The following SNTG2 variants were observed in gnomAD, a reference collection of about 807,000 sequenced individuals.
SNTG2 encodes the protein gamma-2-syntrophin.
Under a neutral mutation model 70.9 loss-of-function variants are expected in SNTG2, and 74 were observed. The ratio of observed to expected loss-of-function variants is 1.04; its 90% CI spans 0.86 to 1.27. The LOEUF is 1.27. SNTG2 is among the 50% of genes most tolerant of loss of function. The pLI is 0.00. For synonymous variants in SNTG2, 278 were observed against 273.8 expected, an observed-to-expected ratio of 1.02 and a Z score of -0.15; for missense variants, 717 against 690.7, an observed-to-expected ratio of 1.04 and a Z score of -0.43.
intron 6 of SNTG2, among the ~76,000 whole-genome samples, chr2:1,144,571 T>G (rs182503833): frequency 2.2e-3 from 328 of 152,296 alleles, no homozygotes; most frequent in African/African-American, 7.2e-3. Flanking sequence ...AAAAAGAGGC[T>G]TAATAGATTC....
intron 6 of SNTG2, 81 bp from the exon 7 acceptor site, chr2:1,165,467 G>T: frequency 7.9e-7 from 1 of 1,269,846 alleles, no homozygotes; most frequent in Non-Finnish European, 1.1e-6. Flanking sequence ...GGAAACAGGA[G>T]AGGTAGAGAG....
rs1264478586 is a variant in SNTG2, at chr2:1,363,980, T to TC, written c.1489-3363_1489-3362insC. On this transcript the variant is annotated intron_variant, in intron 16 of 16. Transcript: ENST00000308624. ...TAGCTAGTAATTTCTTTTATTTTCT[T>TC]TTTTTTTGAGACAGAGTTTCACTCT... is the stretch of plus-strand genomic sequence containing the variant. Among the ~76,000 whole-genome samples, 5 of 71,332 alleles carry TC rather than the reference T, an allele frequency of 7.0e-5. No individual in the cohort carries two copies. In the East Asian group the frequency reaches 7.9e-3, roughly 112 times the overall value. 46.8% of individuals were successfully genotyped at this position (71,332 alleles called of 152,430 possible). A position where few individuals can be genotyped will look rare whatever the true frequency, so the allele number is the denominator to read the frequency against.
At chr2:1,199,600 A>G (rs113225292) in intron 8 of SNTG2, among the ~76,000 whole-genome samples, 1 of 152,124 alleles carries the variant, frequency 6.6e-6, no homozygotes, top group East Asian at 1.9e-4. Flanking sequence ...TGCAGATGAC[A>G]TGATCTTATA....
chr2:1,131,069 C>T (rs111632745), intron 4 of SNTG2, among the ~76,000 whole-genome samples: 152 of 152,260 alleles, frequency 1.0e-3, no homozygotes, highest in African/African-American at 3.2e-3. Context: ...CAAGACACAG[C>T]CTTGGGCCAA....
intron 1 of SNTG2, among the ~76,000 whole-genome samples, chr2:959,678 C>T (rs1451579452): frequency 2.0e-5 from 3 of 148,828 alleles, no homozygotes; most frequent in Non-Finnish European, 3.0e-5. Context: ...AGAATTGCAT[C>T]GTGCAGGCCT....
chr2:1,361,869 A>G (rs148858524), intron 16 of SNTG2, among the ~76,000 whole-genome samples: 714 of 47,302 alleles, frequency 0.015, 2 homozygotes, highest in East Asian at 0.035. Flanking sequence ...ACTTCCATGA[A>G]AGTCACCAAC....
At chr2:1,140,983 T>C (rs916544637) in intron 6 of SNTG2, among the ~76,000 whole-genome samples, 2 of 152,228 alleles carry the variant, frequency 1.3e-5, no homozygotes, top group Non-Finnish European at 2.9e-5. Flanking sequence ...CTGTAGGTGA[T>C]TTTGAACTTA....
chr2:1,111,023 A>G (rs147822735), intron 4 of SNTG2, among the ~76,000 whole-genome samples: 1 of 152,334 alleles, frequency 6.6e-6, no homozygotes, highest in Non-Finnish European at 1.5e-5. Flanking sequence ...ACAAGCCAAA[A>G]TCTGCTTTTT....
chr2:1,105,842 G>A (rs921625550), intron 4 of SNTG2, among the ~76,000 whole-genome samples: 2 of 152,196 alleles, frequency 1.3e-5, no homozygotes, highest in Non-Finnish European at 2.9e-5. Context: ...CATGGCACAG[G>A]ATGGCACCCC....
At chr2:1,172,827 TC>T (rs964391538) in intron 7 of SNTG2, among the ~76,000 whole-genome samples, 10 of 152,128 alleles carry the variant, frequency 6.6e-5, no homozygotes, top group African/African-American at 2.4e-4. Flanking sequence ...GGGCACACCT[TC>T]CTGATGCTGT....
rs540472784 is a variant in SNTG2 at position 1,245,292 on chromosome 2, G to A, written c.889-2035G>A. On this transcript the variant is annotated intron_variant, in intron 11 of 16. Transcript: ENST00000308624. ...TAATAAAAAAAAAGGAAAAAAAAAA[G>A]AAATAAGTCCTCCTCAAGAGCTTTA... Among the ~76,000 whole-genome samples, 16 of 151,656 alleles carry A rather than the reference G, an allele frequency of 1.1e-4. No homozygotes were observed. In the East Asian group the frequency reaches 3.1e-3, roughly 29 times the overall value.
At chr2:1,147,206 A>T (rs1403004256) in intron 6 of SNTG2, among the ~76,000 whole-genome samples, 1 of 152,196 alleles carries the variant, frequency 6.6e-6, no homozygotes, top group African/African-American at 2.4e-5. Flanking sequence ...ATTCAAATTG[A>T]CAAGGGTTGG....
At chr2:1,296,631 C>T (rs961535968) in intron 14 of SNTG2, among the ~76,000 whole-genome samples, 3 of 152,206 alleles carry the variant, frequency 2.0e-5, no homozygotes, top group African/African-American at 4.8e-5. Context: ...AAGGCATCTC[C>T]GTGTTCATGA....
intron 16 of SNTG2, among the ~76,000 whole-genome samples, chr2:1,322,278 C>G (rs1467461272): frequency 6.6e-6 from 1 of 152,156 alleles, no homozygotes; most frequent in Non-Finnish European, 1.5e-5. Context: ...AGGGGCAAGT[C>G]AGAATGAAGA....
chr2:1,171,068 T>A (rs28521806), intron 7 of SNTG2, among the ~76,000 whole-genome samples: 5 of 151,872 alleles, frequency 3.3e-5, no homozygotes, highest in Non-Finnish European at 7.4e-5. Context: ...ACATGTTTTC[T>A]AATATGATTG....
intron 1 of SNTG2, among the ~76,000 whole-genome samples, chr2:1,041,196 T>C (rs1284567281): frequency 1.3e-5 from 2 of 152,220 alleles, no homozygotes; most frequent in Admixed American, 6.5e-5. Context: ...TTGCTCTCAG[T>C]GCGGTGCTTA....
intron 14 of SNTG2, among the ~76,000 whole-genome samples, chr2:1,285,059 G>A (rs1679712795): frequency 1.3e-5 from 2 of 152,036 alleles, no homozygotes; most frequent in Admixed American, 1.3e-4. Flanking sequence ...GAGCAAGGAA[G>A]CCAGTCCGAG....
chr2:1,243,794 G>A (rs564946394), intron 11 of SNTG2, among the ~76,000 whole-genome samples: 15 of 152,340 alleles, frequency 9.8e-5, no homozygotes, highest in Middle Eastern at 3.4e-3. Flanking sequence ...TGAGGGAGCC[G>A]AGGTGGGCAG....
intron 16 of SNTG2, among the ~76,000 whole-genome samples, chr2:1,326,691 CA>C (rs548890428): frequency 1.1e-4 from 17 of 151,534 alleles, no homozygotes; most frequent in Non-Finnish European, 2.5e-4. Flanking sequence ...TTGCTCAAAA[CA>C]AAAAAAATCA....
Sources: gnomAD v4.1 joint callset for allele counts (sites outside exome capture counted in the v4.1 genomes callset) on GRCh38, gnomAD v4.1.1 for gene constraint, MANE v1.5 for transcripts, NCBI Gene and HGNC (gene_info 2026-07-23, HGNC 2026-07-21) for gene names.